Variants in ZNF609 observed in about 807,000 individuals in gnomAD.
ZNF609 encodes the protein zinc finger protein 609.
Under a neutral mutation model 109.5 loss-of-function variants are expected in ZNF609, and 11 were observed. The observed-to-expected ratio is 0.10, with a 90% CI of 0.06 to 0.17. The LOEUF (loss-of-function observed/expected upper bound fraction) is 0.17. Among genes scored for constraint, ZNF609 ranks in the 10% least tolerant of loss-of-function variants. The probability of loss-of-function intolerance (pLI) is 1.00; values close to 1 mark genes in which losing one functional copy is unlikely to be tolerated. For missense variants in ZNF609, 1,559 were observed against 1,772.4 expected (o/e 0.88, Z 2.16); for synonymous variants, 646 against 662.0 (o/e 0.98, Z 0.37).
chr15:64,469,042 A>AAG (rs1359066959), intron 1 of ZNF609, among the ~76,000 whole-genome samples: 1 of 140,574 alleles, frequency 7.1e-6, no homozygotes, highest in East Asian at 2.0e-4. Flanking sequence ...ATCTTAAAAA[A>AAG]AAAAAAAAAA....
chr15:64,541,658 G>GT (rs1894265415), intron 2 of ZNF609, among the ~76,000 whole-genome samples: 1 of 151,150 alleles, frequency 6.6e-6, no homozygotes, highest in African/African-American at 2.4e-5. Context: ...GGCTAACACA[G>GT]TGAAACCCCG....
intron 1 of ZNF609, among the ~76,000 whole-genome samples, chr15:64,463,772 GTGT>G (rs1383455028): frequency 2.0e-5 from 3 of 152,230 alleles, no homozygotes; most frequent in Non-Finnish European, 2.9e-5. Context: ...CTTACTGGAG[GTGT>G]TGTCTGTCTT....
chr15:64,461,505 G>T (rs534145669), intron 1 of ZNF609, among the ~76,000 whole-genome samples: 2 of 152,176 alleles, frequency 1.3e-5, no homozygotes, highest in African/African-American at 2.4e-5. Flanking sequence ...GTGTAATTAC[G>T]GTTGGATCAT....
chr15:64,484,350 A>C (rs1893300510), intron 1 of ZNF609, among the ~76,000 whole-genome samples: 1 of 152,176 alleles, frequency 6.6e-6, no homozygotes. Flanking sequence ...TAGGATGTGT[A>C]ATTTTTAGCT....
chr15:64,611,382 A>G (rs1244480152), intron 2 of ZNF609, among the ~76,000 whole-genome samples: 2 of 152,226 alleles, frequency 1.3e-5, no homozygotes, highest in Non-Finnish European at 2.9e-5. Flanking sequence ...GAGATGCTTC[A>G]TTCAGCAAAA....
At position 64,577,224 on chromosome 15, in the gene ZNF609, CACACAAATACATACAT is replaced by C. The variant is rs1200746204; in HGVS notation, c.748-45601_748-45586del. On this transcript the variant is annotated intron_variant, in intron 2 of 9. Transcript: ENST00000326648. ...AAATACATATATATGTATATATATACACACAAATACATACATATATATGTATATATATACACACAAA... is the reference window on the plus strand; with the variant it reads ...AAATACATATATATGTATATATATACATATATGTATATATATACACACAAA... Among the ~76,000 whole-genome samples the C allele has an allele frequency of 6.2e-4, 25 of 40,122 alleles. 12 individuals carry two copies. Among genetic ancestry groups the C allele is most frequent in the Admixed American group, 2.1e-3 (4 of 1,948 alleles). The allele number at this position is 40,122 out of a possible 152,430, so 26.3% of individuals were successfully genotyped here.
At chr15:64,610,043 T>A (rs1308695300) in intron 2 of ZNF609, among the ~76,000 whole-genome samples, 1 of 151,558 alleles carries the variant, frequency 6.6e-6, no homozygotes, top group African/African-American at 2.4e-5. Context: ...GGTTCTCAGT[T>A]TTTAAGAATT....
At position 64,680,561 on chromosome 15, in the gene ZNF609, TTGTGTG is replaced by T. The variant is rs147044397; in HGVS notation, c.3946-62_3946-57del. ...TAAGGTGGCACCCTGGGCATCTCACTTGTGTGTGTGTGTGTGTGTGTGTGTGTGGTT... is the reference window on the plus strand; with the variant it reads ...TAAGGTGGCACCCTGGGCATCTCACTTGTGTGTGTGTGTGTGTGTGTGGTT... On this transcript the variant is annotated intron_variant, in intron 7 of 9. Coordinates refer to ENST00000326648, the MANE Select transcript of ZNF609 (RefSeq NM_015042.2). 2.3e-4 allele frequency: 263 copies of T among 1,133,556 alleles called. 1 individual carries two copies. The highest frequency in any genetic ancestry group is 1.1e-3 in the South Asian group (74 of 64,938). 70.2% of individuals were successfully genotyped at this position (1,133,556 alleles called of 1,614,324 possible). A position where few individuals can be genotyped will look rare whatever the true frequency, so the allele number is the denominator to read the frequency against.
chr15:64,606,120 A>G (rs1465911106), intron 2 of ZNF609, among the ~76,000 whole-genome samples: 2 of 145,658 alleles, frequency 1.4e-5, no homozygotes, highest in Non-Finnish European at 3.0e-5. Flanking sequence ...ATTTATTTAT[A>G]TATTTATTTT....
At chr15:64,612,338 A>G (rs1895730812) in intron 2 of ZNF609, among the ~76,000 whole-genome samples, 1 of 151,096 alleles carries the variant, frequency 6.6e-6, no homozygotes. Flanking sequence ...TTTAGTGGAG[A>G]TGGGGTTTCA....
chr15:64,553,576 AT>A (rs1243656001), intron 2 of ZNF609, among the ~76,000 whole-genome samples: 2 of 150,688 alleles, frequency 1.3e-5, no homozygotes, highest in African/African-American at 4.9e-5. Context: ...TTTTAATTTT[AT>A]TTTTTATTTT....
At chr15:64,677,493 C>T (rs2141017853) in intron 5 of ZNF609, among the ~76,000 whole-genome samples, 1 of 152,286 alleles carries the variant, frequency 6.6e-6, no homozygotes, top group Non-Finnish European at 1.5e-5. Flanking sequence ...GATTCCTTGT[C>T]CGTGTTTCCT....
At chr15:64,479,548 C>T (rs914043381) in intron 1 of ZNF609, among the ~76,000 whole-genome samples, 1 of 151,866 alleles carries the variant, frequency 6.6e-6, no homozygotes. Flanking sequence ...ATCTCGACCT[C>T]CCAAAGTGCT....
intron 4 of ZNF609, among the ~76,000 whole-genome samples, chr15:64,671,946 G>A (rs547635616): frequency 4.0e-5 from 6 of 151,618 alleles, no homozygotes; most frequent in Non-Finnish European, 5.9e-5. Flanking sequence ...ATTCTCTACC[G>A]AGGGCTATTT....
At chr15:64,503,859 C>G (rs192249832) in intron 2 of ZNF609, among the ~76,000 whole-genome samples, 4 of 152,330 alleles carry the variant, frequency 2.6e-5, no homozygotes, top group Admixed American at 2.6e-4. Flanking sequence ...GCTCTTTGCT[C>G]TTTCAACTTC....
intron 2 of ZNF609, among the ~76,000 whole-genome samples, chr15:64,555,665 C>G (rs1214831108): frequency 6.6e-6 from 1 of 151,356 alleles, no homozygotes; most frequent in African/African-American, 2.4e-5. Context: ...GGGCAGATCA[C>G]AAGGTCAAGT....
intron 3 of ZNF609, among the ~76,000 whole-genome samples, chr15:64,630,064 C>A (rs1896040539): frequency 6.6e-6 from 1 of 151,342 alleles, no homozygotes; most frequent in African/African-American, 2.4e-5. Flanking sequence ...CTCTTCATTA[C>A]ACCTACATTA....
At chr15:64,540,913 A>C (rs1894242586) in intron 2 of ZNF609, among the ~76,000 whole-genome samples, 2 of 149,618 alleles carry the variant, frequency 1.3e-5, no homozygotes, top group Admixed American at 1.3e-4. Flanking sequence ...CTGTAGTCCC[A>C]GCTACTTGGG....
intron 2 of ZNF609, chr15:64,529,055 T>C: frequency 7.6e-7 from 1 of 1,309,232 alleles, no homozygotes; most frequent in Non-Finnish European, 1.1e-6. Flanking sequence ...GAGACAGGGA[T>C]GATGTCCTGG....
Sources: allele counts gnomAD v4.1 joint callset (sites outside exome capture counted in the v4.1 genomes callset), GRCh38; gene constraint gnomAD v4.1.1; transcripts MANE v1.5; gene names NCBI Gene and HGNC (gene_info 2026-07-23, HGNC 2026-07-21).